TRPM4: variants seen among roughly 807,000 people sequenced by gnomAD.
TRPM4 encodes the protein transient receptor potential cation channel subfamily M member 4.
TRPM4 carries 124 observed loss-of-function variants against 135.6 expected under a neutral mutation model. That is an observed-to-expected ratio of 0.91 (90% CI 0.79 to 1.06). The LOEUF is 1.06. TRPM4 is among the 50% of genes least tolerant of loss of function. The probability of loss-of-function intolerance (pLI) is 0.00; values close to 1 mark genes in which losing one functional copy is unlikely to be tolerated. For missense variants in TRPM4, 1,658 were observed against 1,671.4 expected, an observed-to-expected ratio of 0.99 and a Z score of 0.14; for synonymous variants, 745 against 705.6, an observed-to-expected ratio of 1.06 and a Z score of -0.88.
chr19:49,197,473 C>CTCCTTCCTTCCTTCCTTCCTTCCTTCCT (rs59760626), intron 17 of TRPM4, among the ~76,000 whole-genome samples: 4 of 114,856 alleles, frequency 3.5e-5, no homozygotes, highest in East Asian at 2.5e-4. Context: ...GCCTCCCTCC[C>CTCCTTCCTTCCTTCCTTCCTTCCTTCCT]TCCTTCCTTC....
chr19:49,197,212 C>T (rs1262459943), intron 17 of TRPM4, among the ~76,000 whole-genome samples: 3 of 152,128 alleles, frequency 2.0e-5, no homozygotes, highest in African/African-American at 7.2e-5. Context: ...CCTTCTCTTC[C>T]TCCACATAGC....
rs371354100 is a variant in TRPM4, at chr19:49,196,898, C to T, written c.2645+24C>T. Reference sequence around the variant, plus strand: ...CGGTGAGTGCCCCGGGGCCTTGGAACCCTGGCCCCTGGCCACCTCTCATCC... The same window carrying T: ...CGGTGAGTGCCCCGGGGCCTTGGAATCCTGGCCCCTGGCCACCTCTCATCC... On this transcript the variant is annotated intron_variant, in intron 17 of 24. Coordinates refer to ENST00000252826, the MANE Select transcript of TRPM4 (RefSeq NM_017636.4). 3.8e-5 allele frequency: 58 copies of T among 1,546,178 alleles called. No individual in the cohort carries two copies. The African/African-American group carries it at 7.2e-4, about 19-fold the overall frequency.
intron 16 of TRPM4, among the ~76,000 whole-genome samples, chr19:49,195,869 T>TTTATTATTATTATTATTATTATTA (rs746763684): frequency 3.1e-4 from 46 of 148,820 alleles, no homozygotes; most frequent in African/African-American, 1.1e-3. Flanking sequence ...TTTTATTTAT[T>TTTATTATTATTATTATTATTATTA]TTATTATTAT....
intron 20 of TRPM4, among the ~76,000 whole-genome samples, chr19:49,202,891 T>C (rs1968990294): frequency 6.8e-6 from 1 of 146,850 alleles, no homozygotes; most frequent in Non-Finnish European, 1.5e-5. Flanking sequence ...CTTTTTTTTT[T>C]TTTTTTTTTT....
At position 49,171,765 on chromosome 19, in the gene TRPM4, C is replaced by T; in HGVS notation, c.1046C>T (p.Ala349Val). The part of the protein sequence containing the change: ...FPKGDLEVLQ[A>V]QVERIMTRKE... Reference sequence around the variant, plus strand: ...AAAGGGGACCTTGAGGTCCTGCAGGCCCAGGTATGACACTGGGGGCCCAAC... The same window carrying T: ...AAAGGGGACCTTGAGGTCCTGCAGGTCCAGGTATGACACTGGGGGCCCAAC... The change falls in exon 8 of 25, where the codon GCC becomes GTC. Residue 349 changes from alanine (A) to valine (V), a missense_variant. Ala to Val is a moderately conservative substitution (Grantham distance 64, BLOSUM62 0). Transcript: ENST00000252826. This position sits in a 1 kb window ranked among gnomAD's most constrained non-coding sequence, Gnocchi z 4.7. 1 of 1,608,986 alleles carries T rather than the reference C, an allele frequency of 6.2e-7. No individual in the cohort carries two copies. The highest frequency in any genetic ancestry group is 8.5e-7 in the Non-Finnish European group (1 of 1,179,556).
intron 2 of TRPM4, among the ~76,000 whole-genome samples, chr19:49,164,044 T>TA (rs1967067602): frequency 6.6e-6 from 1 of 152,232 alleles, no homozygotes; most frequent in Admixed American, 6.5e-5. Context: ...TTAGTGTCTT[T>TA]ACGGCTTTTG....
intron 9 of TRPM4, among the ~76,000 whole-genome samples, chr19:49,172,531 C>T (rs1321263880): frequency 6.6e-6 from 1 of 151,386 alleles, no homozygotes; most frequent in Non-Finnish European, 1.5e-5. Flanking sequence ...CATCCACTGA[C>T]AATTCCATTC....
At chr19:49,201,177 G>GACGC (rs1968921987) in intron 19 of TRPM4, among the ~76,000 whole-genome samples, 1 of 151,892 alleles carries the variant, frequency 6.6e-6, no homozygotes, top group African/African-American at 2.4e-5. Context: ...AAGGAGATAG[G>GACGC]GTCATTTATA....
In TRPM4 at chr19:49,200,645, G is replaced by T; in HGVS notation, c.2813G>T (p.Gly938Val). 6.2e-7 allele frequency: 1 copy of T among 1,613,848 alleles called. No homozygotes were observed. Among genetic ancestry groups the T allele is most frequent in the Non-Finnish European group, 8.5e-7 (1 of 1,180,014 alleles). Reference sequence around the variant, plus strand: ...GTGTTCTTCTTCCTCTTCTTCCTCGGCGTGTGGCTGGTAGCCTATGGCGTG... The same window carrying T: ...GTGTTCTTCTTCCTCTTCTTCCTCGTCGTGTGGCTGGTAGCCTATGGCGTG... ...KDVFFFLFFL[G>V]VWLVAYGVAT... The change falls in exon 19 of 25, where the codon GGC (glycine) becomes GTC (valine). Residue 938 changes from glycine to valine, a missense_variant. Physicochemically the swap from Gly to Val is moderately radical, Grantham distance 109. This residue lies in a region of TRPM4 where 1,412 missense variants were observed against 1,408.7 expected (regional missense o/e 1.00). Coordinates refer to ENST00000252826, the MANE Select transcript of TRPM4 (RefSeq NM_017636.4).
At chr19:49,186,638 G>A (rs370912353) in intron 12 of TRPM4, among the ~76,000 whole-genome samples, 2 of 152,130 alleles carry the variant, frequency 1.3e-5, no homozygotes, top group East Asian at 1.9e-4. Context: ...TTGGGAGGCC[G>A]AGGCAGGTGG....
intron 2 of TRPM4, among the ~76,000 whole-genome samples, chr19:49,162,085 G>A (rs1052784189): frequency 2.6e-5 from 4 of 152,186 alleles, no homozygotes; most frequent in Non-Finnish European, 5.9e-5. Context: ...CAGCCGGGGC[G>A]GGGAGGAAGG....
At chr19:49,200,887 T>C in intron 19 of TRPM4, 102 bp downstream of exon 19, 2 of 1,282,642 alleles carry the variant, frequency 1.6e-6, no homozygotes, top group Non-Finnish European at 1.1e-6. Context: ...TCTCTGAGTC[T>C]CTGTCTCCCT....
intron 6 of TRPM4, among the ~76,000 whole-genome samples, chr19:49,169,740 G>A (rs1967381973): frequency 6.6e-6 from 1 of 151,268 alleles, no homozygotes; most frequent in South Asian, 2.1e-4. Flanking sequence ...AAAGTTTTTT[G>A]TAGAGACAGG....
chr19:49,167,560 T>C (rs147267761), intron 3 of TRPM4: 32 of 167,544 alleles, frequency 1.9e-4, no homozygotes, highest in African/African-American at 4.5e-4. Context: ...TGTCCCCGTC[T>C]CTCTGGGTCT....
At chr19:49,158,311 C>G (rs1295757504) in intron 2 of TRPM4, 52 bp downstream of exon 2, 1 of 1,565,358 alleles carries the variant, frequency 6.4e-7, no homozygotes, top group East Asian at 2.2e-5. Context: ...CCCGCTGACC[C>G]CGCCCGCGGA....
At position 49,210,892 on chromosome 19, in the gene TRPM4, C is replaced by T. The variant is rs1242007721; in HGVS notation, c.3461+50C>T. On this transcript the variant is annotated intron_variant, in intron 22 of 24. Transcript: ENST00000252826. This position sits in a 1 kb window ranked among gnomAD's most constrained non-coding sequence, Gnocchi z 4.1. Reference sequence around the variant, plus strand: ...TGGGGCTTCTGGCCTGGGGCGGATCCTGACTTCAGCTGAAGGCAGGGTCCT... The same window carrying T: ...TGGGGCTTCTGGCCTGGGGCGGATCTTGACTTCAGCTGAAGGCAGGGTCCT... 1 of 1,568,300 alleles carries T rather than the reference C, an allele frequency of 6.4e-7. No individual in the cohort carries two copies. Among genetic ancestry groups the T allele is most frequent in the Non-Finnish European group, 8.6e-7 (1 of 1,157,878 alleles).
intron 3 of TRPM4, among the ~76,000 whole-genome samples, chr19:49,167,178 CA>C (rs1967232364): frequency 6.8e-5 from 7 of 103,650 alleles, no homozygotes; most frequent in African/African-American, 2.2e-4. Context: ...GTCTCTGTCC[CA>C]TGTCTCTGGG....
intron 14 of TRPM4, 118 bp from the exon 15 acceptor site, chr19:49,190,090 T>G (rs1485135229): frequency 3.5e-6 from 3 of 851,108 alleles, no homozygotes; most frequent in Non-Finnish European, 4.0e-6. Flanking sequence ...TCAATAGTTG[T>G]GGCTGTGACA....
rs376221055 is a variant in TRPM4, at chr19:49,171,547, G to A, written c.859-31G>A. On this transcript the variant is annotated intron_variant, in intron 7 of 24. Coordinates refer to ENST00000252826, the MANE Select transcript of TRPM4 (RefSeq NM_017636.4). This position sits in a 1 kb window ranked among gnomAD's most constrained non-coding sequence, Gnocchi z 4.7. ...GGGTGAATATCCTGCCTTTTCTGAC[G>A]TGATGAATAAAGAATGCCTTTATCC... 3.0e-4 allele frequency: 480 copies of A among 1,613,558 alleles called. No individual in the cohort carries two copies. Among genetic ancestry groups the A allele is most frequent in the Middle Eastern group, 1.8e-3 (11 of 6,068 alleles).
Sources: allele counts gnomAD v4.1 joint callset (sites outside exome capture counted in the v4.1 genomes callset), GRCh38; gene constraint gnomAD v4.1.1; regional missense constraint gnomAD v4.1.1; non-coding constraint Gnocchi (gnomAD v3.1); transcripts MANE v1.5; gene names NCBI Gene and HGNC (gene_info 2026-07-23, HGNC 2026-07-21).